UBE3A: variants seen among roughly 807,000 people sequenced by gnomAD.
UBE3A encodes ubiquitin-protein ligase E3A.
Under a neutral mutation model 83.4 loss-of-function variants are expected in UBE3A, and 6 were observed. That is an observed-to-expected ratio of 0.07 (90% confidence interval 0.04 to 0.14). UBE3A has a LOEUF of 0.14. UBE3A is among the 10% of genes least tolerant of loss of function. The pLI is 1.00. For missense variants in UBE3A, 456 were observed against 1,036.1 expected (o/e 0.44, Z 7.69); for synonymous variants, 337 against 355.4 (o/e 0.95, Z 0.58).
chr15:25,405,199 C>G (rs1313316166), intron 4 of UBE3A, among the ~76,000 whole-genome samples: 1 of 151,952 alleles, frequency 6.6e-6, no homozygotes, highest in Non-Finnish European at 1.5e-5. Context: ...TCCCTATTTC[C>G]CTACAACTGC....
At chr15:25,428,911 A>T (rs1389079512) in intron 1 of UBE3A, among the ~76,000 whole-genome samples, 1 of 152,230 alleles carries the variant, frequency 6.6e-6, no homozygotes, top group African/African-American at 2.4e-5. Context: ...TCATGTAAAA[A>T]TAAACACTGC....
intron 1 of UBE3A, among the ~76,000 whole-genome samples, chr15:25,437,654 T>C (rs1218952964): frequency 6.6e-6 from 1 of 152,214 alleles, no homozygotes; most frequent in African/African-American, 2.4e-5. Context: ...TAATTTAGCA[T>C]ATCCATAAAA....
Position 25,371,560 on chromosome 15 carries a change from T to G in UBE3A, c.614A>C (p.Glu205Ala). 2 of 1,614,204 alleles carry G rather than the reference T, an allele frequency of 1.2e-6. No individual in the cohort carries two copies. Among genetic ancestry groups the G allele is most frequent in the Non-Finnish European group, 1.7e-6 (2 of 1,180,028 alleles). ...CSAAAMEEDSEASSSRIGDSS... is the reference protein window; with the variant it reads ...CSAAAMEEDSAASSSRIGDSS... Reference sequence around the variant, plus strand: ...ATCACCTATCCTTGAGGAAGATGCTTCTGAGTCTTCTTCCATAGCAGCAGC... The same window carrying G: ...ATCACCTATCCTTGAGGAAGATGCTGCTGAGTCTTCTTCCATAGCAGCAGC... The change falls in exon 6 of 13, where the codon GAA becomes GCA. Residue 205 changes from glutamate to alanine, a missense_variant. By Grantham distance (107) the Glu-to-Ala change is moderately radical. Transcript: ENST00000648336. This position sits in a 1 kb window ranked among gnomAD's most constrained non-coding sequence, Gnocchi z 5.3.
chr15:25,415,528 A>G (rs2153106780), intron 1 of UBE3A, among the ~76,000 whole-genome samples: 1 of 152,270 alleles, frequency 6.6e-6, no homozygotes, highest in East Asian at 1.9e-4. Flanking sequence ...TCTATCCATT[A>G]CTAACCTCTA....
intron 4 of UBE3A, among the ~76,000 whole-genome samples, chr15:25,376,794 C>T (rs1426331718): frequency 2.6e-5 from 3 of 113,768 alleles, no homozygotes; most frequent in East Asian, 1.1e-3. Context: ...ATCTTATATT[C>T]CTTTTACTCT....
chr15:25,357,902 C>CTTTTTTTTTTTTTT (rs35596421), intron 7 of UBE3A, among the ~76,000 whole-genome samples: 1 of 95,744 alleles, frequency 1.0e-5, no homozygotes. Context: ...ATCATGGAGG[C>CTTTTTTTTTTTTTT]TTTTTTTTTT....
chr15:25,364,649 T>TG (rs1174756344), intron 6 of UBE3A, among the ~76,000 whole-genome samples: 3 of 149,052 alleles, frequency 2.0e-5, no homozygotes, highest in African/African-American at 7.4e-5. Flanking sequence ...TTGTTTGTTT[T>TG]TTTTTTTTTT....
intron 1 of UBE3A, among the ~76,000 whole-genome samples, chr15:25,431,567 TC>T (rs1893456913): frequency 6.6e-6 from 1 of 152,136 alleles, no homozygotes; most frequent in Non-Finnish European, 1.5e-5. Flanking sequence ...GGTCTCGAAC[TC>T]CTGACCTCAG....
At chr15:25,398,309 A>G (rs2086080344) in intron 4 of UBE3A, among the ~76,000 whole-genome samples, 1 of 152,086 alleles carries the variant, frequency 6.6e-6, no homozygotes, top group African/African-American at 2.4e-5. Context: ...TCACATACTT[A>G]TATTTTATGG....
In UBE3A at chr15:25,335,259, T is replaced by C. The variant is rs1159776967; in HGVS notation, c.*3878A>G. ...TCATGGATGAGGTACTTTAAATATC[T>C]GGTCATGAAGAGTATTTGAGAAATA... is the stretch of plus-strand genomic sequence containing the variant. On this transcript the variant is annotated 3_prime_UTR_variant, in exon 13 of 13. Coordinates refer to ENST00000648336, the MANE Select transcript of UBE3A (RefSeq NM_130839.5). 1.3e-5 allele frequency: 2 copies of C among 152,232 alleles called. No homozygotes were observed. Among genetic ancestry groups the C allele is most frequent in the African/African-American group, 4.8e-5 (2 of 41,448 alleles). 9.4% of individuals were successfully genotyped at this position (152,232 alleles called of 1,614,324 possible).
intron 4 of UBE3A, among the ~76,000 whole-genome samples, chr15:25,400,859 G>A (rs2086911274): frequency 1.3e-5 from 2 of 152,108 alleles, no homozygotes; most frequent in Admixed American, 1.3e-4. Flanking sequence ...GGCAAAAGTG[G>A]GCATTCTCGT....
At chr15:25,421,982 G>C (rs1302658357) in intron 1 of UBE3A, 1 of 152,098 alleles carries the variant, frequency 6.6e-6, no homozygotes, top group Non-Finnish European at 1.5e-5. Context: ...GAAAACATAT[G>C]TTCACACAAA....
chr15:25,419,934 C>T (rs1346328819), intron 1 of UBE3A, among the ~76,000 whole-genome samples: 1 of 151,642 alleles, frequency 6.6e-6, no homozygotes, highest in Non-Finnish European at 1.5e-5. Context: ...TACAAAATTC[C>T]AAAAATGCTC....
rs2074210962 is a variant in UBE3A at position 25,338,666 on chromosome 15, G to A, written c.*471C>T. 2 of 151,950 alleles carry A rather than the reference G, an allele frequency of 1.3e-5. No homozygotes were observed. The highest frequency in any genetic ancestry group is 4.2e-4 in the South Asian group (2 of 4,804). 9.4% of individuals were successfully genotyped at this position (151,950 alleles called of 1,614,324 possible). A position where few individuals can be genotyped will look rare whatever the true frequency, so the allele number is the denominator to read the frequency against. On this transcript the variant is annotated 3_prime_UTR_variant, in exon 13 of 13. Coordinates refer to ENST00000648336, the MANE Select transcript of UBE3A (RefSeq NM_130839.5). ...GTTCCTGATTTGAGTTAGATACAGG[G>A]ACAAAAAAGTAGCACATACTTGAAG... is the stretch of plus-strand genomic sequence containing the variant.
rs1595814554 is a variant in UBE3A at position 25,371,616 on chromosome 15, A to G, written c.558T>C (p.Asp186=). 1.2e-6 allele frequency: 2 copies of G among 1,613,956 alleles called. No individual in the cohort carries two copies. The highest frequency in any genetic ancestry group is 1.7e-6 in the Non-Finnish European group (2 of 1,179,988). ...KSLQAKDEDK[D]EDEKEKAACS... ...ATGCAGCTTTTTCCTTTTCATCTTC[A>G]TCTTTGTCTTCATCTTTTGCTTGAA... The change falls in exon 6 of 13, where the codon GAT becomes GAC. Residue 186 remains aspartate (D), a synonymous_variant. Transcript: ENST00000648336. The surrounding 1 kb of genome is among the most constrained non-coding windows in gnomAD (Gnocchi z 5.3).
intron 4 of UBE3A, among the ~76,000 whole-genome samples, chr15:25,381,147 T>C (rs1203590131): frequency 1.3e-5 from 2 of 152,232 alleles, no homozygotes; most frequent in Admixed American, 6.5e-5. Context: ...AATGTAAGTA[T>C]TAATGGCAGA....
In UBE3A at chr15:25,337,704, C is replaced by T. The variant is rs1338330285; in HGVS notation, c.*1433G>A. The T allele has an allele frequency of 1.3e-5, 2 of 152,094 alleles. No homozygotes were observed. The highest frequency in any genetic ancestry group is 4.8e-5 in the African/African-American group (2 of 41,424). 9.4% of individuals were successfully genotyped at this position (152,094 alleles called of 1,614,324 possible). A position where few individuals can be genotyped will look rare whatever the true frequency, so the allele number is the denominator to read the frequency against. ...ACAATCAGTCAATCAATCAATCAAT[C>T]ACCAAGGCACAAGCTCAGCACATTA... On this transcript the variant is annotated 3_prime_UTR_variant, in exon 13 of 13. Coordinates refer to ENST00000648336, the MANE Select transcript of UBE3A (RefSeq NM_130839.5).
intron 4 of UBE3A, among the ~76,000 whole-genome samples, chr15:25,379,600 A>C (rs889852824): frequency 2.6e-5 from 4 of 152,162 alleles, no homozygotes; most frequent in Admixed American, 6.5e-5. Flanking sequence ...CCTCATCTGC[A>C]TCACTATCTA....
At chr15:25,406,992 T>C in intron 3 of UBE3A, 1 of 1,071,856 alleles carries the variant, frequency 9.3e-7, no homozygotes, top group African/African-American at 1.7e-5. Context: ...GGCAGTGACT[T>C]GGCTGTGACA....
Sources: gnomAD v4.1 joint callset for allele counts (sites outside exome capture counted in the v4.1 genomes callset) on GRCh38, gnomAD v4.1.1 for gene constraint, Gnocchi (gnomAD v3.1) non-coding constraint, MANE v1.5 for transcripts, NCBI Gene and HGNC (gene_info 2026-07-23, HGNC 2026-07-21) for gene names.